Variants in LRFN5 observed in about 807,000 individuals in gnomAD.
LRFN5 encodes leucine-rich repeat and fibronectin type-III domain-containing protein 5.
Under a neutral mutation model 45.6 loss-of-function variants are expected in LRFN5, and 24 were observed. That is an observed-to-expected ratio of 0.53 (90% confidence interval 0.38 to 0.74). The LOEUF is 0.74. Ranked by LOEUF, LRFN5 falls within the 30% of genes least tolerant of loss-of-function variation. LRFN5 has a pLI of 0.00. For synonymous variants in LRFN5, 340 were observed against 313.8 expected (o/e 1.08, Z -0.88); for missense variants, 776 against 861.5 (o/e 0.90, Z 1.24).
intron 1 of LRFN5, among the ~76,000 whole-genome samples, chr14:41,763,757 C>T: frequency 6.6e-6 from 1 of 152,176 alleles, no homozygotes. Context: ...ATTGTGAGGC[C>T]TCCCCAGCCA....
At chr14:41,899,679 T>TA (rs1358646257) in intron 5 of LRFN5, among the ~76,000 whole-genome samples, 2 of 152,110 alleles carry the variant, frequency 1.3e-5, no homozygotes, top group African/African-American at 4.8e-5. Flanking sequence ...TTAACAGTTC[T>TA]AAAAAAGGCC....
At chr14:41,697,355 A>G (rs988664641) in intron 1 of LRFN5, among the ~76,000 whole-genome samples, 1 of 151,822 alleles carries the variant, frequency 6.6e-6, no homozygotes, top group African/African-American at 2.4e-5. Context: ...TGCTTTACAA[A>G]TCAATAATCT....
At chr14:41,848,140 C>G (rs1889132305) in intron 2 of LRFN5, among the ~76,000 whole-genome samples, 1 of 152,048 alleles carries the variant, frequency 6.6e-6, no homozygotes, top group Admixed American at 6.6e-5. Flanking sequence ...TTAAAAATCC[C>G]TTCCCAATAT....
intron 2 of LRFN5, among the ~76,000 whole-genome samples, chr14:41,860,432 T>C (rs951791045): frequency 8.5e-5 from 13 of 152,170 alleles, no homozygotes; most frequent in Admixed American, 8.5e-4. Context: ...AAAATAAATA[T>C]AACCAAATAT....
At chr14:41,677,525 A>G (rs1881689198) in intron 1 of LRFN5, among the ~76,000 whole-genome samples, 1 of 152,156 alleles carries the variant, frequency 6.6e-6, no homozygotes, top group Non-Finnish European at 1.5e-5. Flanking sequence ...AATGCCTCAT[A>G]AAATACAGAA....
At chr14:41,740,273 A>T (rs1447242429) in intron 1 of LRFN5, among the ~76,000 whole-genome samples, 2 of 152,086 alleles carry the variant, frequency 1.3e-5, no homozygotes, top group Non-Finnish European at 2.9e-5. Context: ...ATCCCTGATA[A>T]ATATGGAGCA....
At position 41,727,707 on chromosome 14, in the gene LRFN5, T is replaced by C. The variant is rs1185503834; in HGVS notation, c.-196-39147T>C. ...CATGTATAATACAAAATAATAAGAG[T>C]AATAATAAAAACAAATAAATAGAAA... is the stretch of plus-strand genomic sequence containing the variant. On this transcript the variant is annotated intron_variant, in intron 1 of 5. Transcript: ENST00000298119. Among the ~76,000 whole-genome samples the C allele has an allele frequency of 7.2e-5, 11 of 151,982 alleles. No homozygotes were observed. The East Asian group carries it at 1.9e-3, about 27-fold the overall frequency.
At position 41,704,440 on chromosome 14, in the gene LRFN5, C is replaced by CTGTGTGTGTGTGTGTG. The variant is rs1207281360; in HGVS notation, c.-196-62413_-196-62412insGTGTGTGTGTGTGTGT. Among the ~76,000 whole-genome samples the CTGTGTGTGTGTGTGTG allele has an allele frequency of 1.3e-3, 160 of 125,332 alleles. 2 individuals are homozygous for CTGTGTGTGTGTGTGTG. The highest frequency in any genetic ancestry group is 7.8e-3 in the Middle Eastern group (2 of 256). The allele number at this position is 125,332 out of a possible 152,430, so 82.2% of individuals were successfully genotyped here. ...TCTCTCTCTCTCTCTCTCTCTCTCT[C>CTGTGTGTGTGTGTGTG]TCTCTCTCTGTGTGTGTGTGTCTGT... On this transcript the variant is annotated intron_variant, in intron 1 of 5. Transcript: ENST00000298119.
chr14:41,695,775 C>T (rs1882583741), intron 1 of LRFN5, among the ~76,000 whole-genome samples: 1 of 151,950 alleles, frequency 6.6e-6, no homozygotes, highest in African/African-American at 2.4e-5. Flanking sequence ...TACCTAGTCA[C>T]CCAAGAGCTC....
At chr14:41,757,346 C>T (rs1033321250) in intron 1 of LRFN5, among the ~76,000 whole-genome samples, 3 of 152,188 alleles carry the variant, frequency 2.0e-5, no homozygotes, top group African/African-American at 7.2e-5. Context: ...CTATGCCCTG[C>T]CCCCAGAGGT....
intron 1 of LRFN5, among the ~76,000 whole-genome samples, chr14:41,617,035 TAA>T (rs1887950163): frequency 6.6e-6 from 1 of 152,112 alleles, no homozygotes; most frequent in South Asian, 2.1e-4. Context: ...AAGAAAATAA[TAA>T]GATTGCTAGG....
At chr14:41,690,878 T>C (rs956793077) in intron 1 of LRFN5, among the ~76,000 whole-genome samples, 1 of 152,162 alleles carries the variant, frequency 6.6e-6, no homozygotes, top group Non-Finnish European at 1.5e-5. Context: ...AAACATTTTA[T>C]CTTTTTCATT....
intron 1 of LRFN5, among the ~76,000 whole-genome samples, chr14:41,688,203 A>G (rs1026603464): frequency 6.6e-6 from 1 of 152,174 alleles, no homozygotes; most frequent in Non-Finnish European, 1.5e-5. Context: ...GGGATGCTTT[A>G]TGGATACAAA....
intron 1 of LRFN5, among the ~76,000 whole-genome samples, chr14:41,648,019 T>G (rs1449331178): frequency 2.0e-5 from 3 of 152,214 alleles, no homozygotes; most frequent in African/African-American, 7.2e-5. Flanking sequence ...TAACCCTATA[T>G]TAACATATCT....
At chr14:41,694,471 A>T (rs1046867718) in intron 1 of LRFN5, among the ~76,000 whole-genome samples, 1 of 151,934 alleles carries the variant, frequency 6.6e-6, no homozygotes, top group Non-Finnish European at 1.5e-5. Flanking sequence ...TTATTTCACT[A>T]TGCATAGTGT....
chr14:41,769,329 G>A (rs1006347262), intron 2 of LRFN5, among the ~76,000 whole-genome samples: 2 of 152,092 alleles, frequency 1.3e-5, no homozygotes, highest in Non-Finnish European at 2.9e-5. Context: ...TCTCACTCTG[G>A]CATTTCCAAT....
intron 2 of LRFN5, among the ~76,000 whole-genome samples, chr14:41,876,014 C>T (rs1332183000): frequency 6.6e-6 from 1 of 152,104 alleles, no homozygotes; most frequent in Non-Finnish European, 1.5e-5. Flanking sequence ...CTGAAAGATA[C>T]ATATGTATAC....
chr14:41,753,267 A>G lies in LRFN5; in HGVS notation c.-196-13587A>G, dbSNP rs565479983. ...GATGCGGGCTCTTTTTTGGTTCCATATGAACTTTAAAGTTGTTTTCTCCAA... is the reference window on the plus strand; with the variant it reads ...GATGCGGGCTCTTTTTTGGTTCCATGTGAACTTTAAAGTTGTTTTCTCCAA... On this transcript the variant is annotated intron_variant, in intron 1 of 5. Coordinates refer to ENST00000298119, the MANE Select transcript of LRFN5 (RefSeq NM_152447.5). Among the ~76,000 whole-genome samples, 4 of 151,612 alleles carry G rather than the reference A, an allele frequency of 2.6e-5. No homozygotes were observed. In the South Asian group the frequency reaches 6.3e-4, roughly 24 times the overall value.
chr14:41,650,266 C>CACACACACACACA (rs1247683262), intron 1 of LRFN5, among the ~76,000 whole-genome samples: 43 of 135,530 alleles, frequency 3.2e-4, no homozygotes, highest in African/African-American at 1.2e-3. Context: ...CACACACACA[C>CACACACACACACA]AAAAAAAAAA....
Sources: gnomAD v4.1 joint callset for allele counts (sites outside exome capture counted in the v4.1 genomes callset) on GRCh38, gnomAD v4.1.1 for gene constraint, MANE v1.5 for transcripts, NCBI Gene and HGNC (gene_info 2026-07-23, HGNC 2026-07-21) for gene names.